Variants in TSC22D1 observed in about 807,000 individuals in gnomAD.
TSC22D1 encodes the protein TSC22 domain family protein 1.
Under a neutral mutation model 74.2 loss-of-function variants are expected in TSC22D1, and 9 were observed. The ratio of observed to expected loss-of-function variants is 0.12; its 90% confidence interval spans 0.07 to 0.21. The LOEUF (loss-of-function observed/expected upper bound fraction) is 0.21. Among genes scored for constraint, TSC22D1 ranks in the 10% least tolerant of loss-of-function variants. TSC22D1 has a pLI of 1.00. For synonymous variants in TSC22D1, 586 were observed against 492.5 expected (o/e 1.19, Z -2.51); for missense variants, 1,427 against 1,304.7 (o/e 1.09, Z -1.44).
intron 1 of TSC22D1, among the ~76,000 whole-genome samples, chr13:44,515,004 G>A (rs1473218172): frequency 6.6e-6 from 1 of 152,194 alleles, no homozygotes; most frequent in Non-Finnish European, 1.5e-5. Flanking sequence ...AAGGCAGCAG[G>A]AAAAGAGGCA....
intron 1 of TSC22D1, among the ~76,000 whole-genome samples, chr13:44,463,224 A>C (rs1877097008): frequency 6.6e-6 from 1 of 152,208 alleles, no homozygotes; most frequent in Non-Finnish European, 1.5e-5. Context: ...AAAAGTAATA[A>C]ATAGACATAA....
Position 44,509,150 on chromosome 13 carries a change from TA to T in TSC22D1, c.2912+64012del, listed in dbSNP as rs200288064. ...GCGCTTCCACACTCAGACAGGCCAATAAAATTATTAGAAACAAAACAGTACC... is the reference window on the plus strand; with the variant it reads ...GCGCTTCCACACTCAGACAGGCCAATAAATTATTAGAAACAAAACAGTACC... On this transcript the variant is annotated intron_variant, in intron 1 of 2. Transcript: ENST00000458659. 6.8e-3 allele frequency among the ~76,000 whole-genome samples: 1,040 copies of T among 152,044 alleles called. 12 individuals carry two copies. Among genetic ancestry groups the T allele is most frequent in the African/African-American group, 0.024 (991 of 41,446 alleles).
At chr13:44,485,504 C>A (rs2137943168) in intron 1 of TSC22D1, among the ~76,000 whole-genome samples, 1 of 152,190 alleles carries the variant, frequency 6.6e-6, no homozygotes, top group East Asian at 1.9e-4. Context: ...GATTACCTTT[C>A]TAATTAGAAA....
At chr13:44,554,381 A>G (rs186747578) in intron 1 of TSC22D1, among the ~76,000 whole-genome samples, 1 of 152,222 alleles carries the variant, frequency 6.6e-6, no homozygotes, top group Non-Finnish European at 1.5e-5. Context: ...ATTTGAATAG[A>G]AAAACTGTCA....
intron 1 of TSC22D1, among the ~76,000 whole-genome samples, chr13:44,563,000 G>A (rs1883145663): frequency 6.6e-6 from 1 of 151,848 alleles, no homozygotes; most frequent in African/African-American, 2.4e-5. Context: ...AGCTACTTGG[G>A]AGGCTAAGGC....
intron 1 of TSC22D1, among the ~76,000 whole-genome samples, chr13:44,490,723 C>A (rs868341087): frequency 1.3e-4 from 19 of 151,836 alleles, no homozygotes; most frequent in Middle Eastern, 3.2e-3. Flanking sequence ...TATGGAGAAA[C>A]CCCGTCTCTA....
chr13:44,435,989 CTTA>C, intron 2 of TSC22D1, 52 bp downstream of exon 2: 1 of 1,529,900 alleles, frequency 6.5e-7, no homozygotes, highest in Non-Finnish European at 9.0e-7. Flanking sequence ...CACAAAACAT[CTTA>C]TTTTTGTGCT....
intron 1 of TSC22D1, among the ~76,000 whole-genome samples, chr13:44,543,614 G>GTTATCT (rs1185433366): frequency 3.9e-5 from 6 of 152,250 alleles, no homozygotes; most frequent in Non-Finnish European, 8.8e-5. Context: ...AACAGAAGCA[G>GTTATCT]TGTGTCTTTT....
intron 1 of TSC22D1, among the ~76,000 whole-genome samples, chr13:44,495,679 C>G (rs1376732419): frequency 1.3e-5 from 2 of 151,952 alleles, no homozygotes; most frequent in East Asian, 3.8e-4. Context: ...TGGAATAAAA[C>G]TGAGAATCTA....
At chr13:44,541,748 T>A (rs532129051) in intron 1 of TSC22D1, among the ~76,000 whole-genome samples, 70 of 152,212 alleles carry the variant, frequency 4.6e-4, no homozygotes, top group African/African-American at 1.6e-3. Flanking sequence ...GCAATCTAAT[T>A]AAGTAGTTTC....
chr13:44,456,183 G>C (rs148306159), intron 1 of TSC22D1, among the ~76,000 whole-genome samples: 29 of 152,304 alleles, frequency 1.9e-4, no homozygotes, highest in African/African-American at 5.8e-4. Flanking sequence ...GACCCAAAAA[G>C]TGAGCAGCAG....
chr13:44,436,399 A>AT, intron 1 of TSC22D1: 1 of 1,378,306 alleles, frequency 7.3e-7, no homozygotes, highest in Non-Finnish European at 1.0e-6. Context: ...ATGTCACCAT[A>AT]ATCTCTCAGC....
intron 1 of TSC22D1, among the ~76,000 whole-genome samples, chr13:44,448,393 C>CT (rs979529626): frequency 3.9e-5 from 6 of 152,136 alleles, no homozygotes; most frequent in Non-Finnish European, 8.8e-5. Flanking sequence ...TACAGAGCCA[C>CT]TTAGGGTCAT....
At chr13:44,459,997 G>A (rs1340129771) in intron 1 of TSC22D1, among the ~76,000 whole-genome samples, 1 of 152,150 alleles carries the variant, frequency 6.6e-6, no homozygotes, top group Non-Finnish European at 1.5e-5. Flanking sequence ...CCAAGTGGGT[G>A]GAATTATTAG....
At chr13:44,522,868 T>C (rs1025920169) in intron 1 of TSC22D1, among the ~76,000 whole-genome samples, 17 of 151,916 alleles carry the variant, frequency 1.1e-4, no homozygotes, top group African/African-American at 4.1e-4. Context: ...AAAACACTGT[T>C]TAAAAAAAAT....
chr13:44,510,016 G>A (rs1225554449), intron 1 of TSC22D1, among the ~76,000 whole-genome samples: 1 of 142,210 alleles, frequency 7.0e-6, no homozygotes, highest in Non-Finnish European at 1.5e-5. Flanking sequence ...GAGTTCTCAT[G>A]TACTTTGCTA....
chr13:44,532,018 G>C (rs1880866073), intron 1 of TSC22D1, among the ~76,000 whole-genome samples: 1 of 151,976 alleles, frequency 6.6e-6, no homozygotes, highest in Non-Finnish European at 1.5e-5. Context: ...AACAAGCCTG[G>C]TTACCCTTAA....
At chr13:44,447,533 C>A (rs558055602) in intron 1 of TSC22D1, among the ~76,000 whole-genome samples, 1 of 151,816 alleles carries the variant, frequency 6.6e-6, no homozygotes, top group Non-Finnish European at 1.5e-5. Flanking sequence ...CTCATATTAG[C>A]GTTAAAAGAT....
At position 44,444,278 on chromosome 13, in the gene TSC22D1, C is replaced by CAA. The variant is rs71070905; in HGVS notation, c.2913-8185_2913-8184dup. 9.1e-4 allele frequency among the ~76,000 whole-genome samples: 16 copies of CAA among 17,582 alleles called. 1 individual carries two copies. Among genetic ancestry groups the CAA allele is most frequent in the African/African-American group, 2.1e-3 (9 of 4,208 alleles). The allele number at this position is 17,582 out of a possible 152,430, so 11.5% of individuals were successfully genotyped here. On this transcript the variant is annotated intron_variant, in intron 1 of 2. Coordinates refer to ENST00000458659, the MANE Select transcript of TSC22D1 (RefSeq NM_183422.4). ...TGGGGAACAGAGCAAGACTCTGTCT[C>CAA]AAAAAAAAAAAAAAAAAAAAAAAAA...
Sources: allele counts gnomAD v4.1 joint callset (sites outside exome capture counted in the v4.1 genomes callset), GRCh38; gene constraint gnomAD v4.1.1; transcripts MANE v1.5; gene names NCBI Gene and HGNC (gene_info 2026-07-23, HGNC 2026-07-21).